The following CTNNA2 variants were observed in gnomAD, a reference collection of about 807,000 sequenced individuals.
CTNNA2 encodes catenin alpha 2.
CTNNA2 carries 42 observed loss-of-function variants against 101.0 expected under a neutral mutation model. The observed-to-expected ratio is 0.42, with a 90% CI of 0.32 to 0.54. The LOEUF is 0.54. Ranked by LOEUF, CTNNA2 falls within the 20% of genes least tolerant of loss-of-function variation. The pLI is 0.14. For missense variants in CTNNA2, 871 were observed against 1,223.1 expected (o/e 0.71, Z 4.29); for synonymous variants, 450 against 456.4 (o/e 0.99, Z 0.18).
intron 9 of CTNNA2, among the ~76,000 whole-genome samples, chr2:80,537,321 A>G (rs959506172): frequency 2.6e-5 from 4 of 152,164 alleles, no homozygotes; most frequent in African/African-American, 9.7e-5. Flanking sequence ...TATCAAGTCT[A>G]TAATTGATGG....
intron 3 of CTNNA2, among the ~76,000 whole-genome samples, chr2:79,320,299 GA>G (rs1477194406): frequency 2.5e-4 from 26 of 102,236 alleles, no homozygotes; most frequent in Non-Finnish European, 4.9e-4. Context: ...AGATCTTGAA[GA>G]AAATGGCAGT....
intron 1 of CTNNA2, among the ~76,000 whole-genome samples, chr2:79,608,243 A>G (rs867175758): frequency 2.0e-5 from 3 of 152,082 alleles, no homozygotes; most frequent in Admixed American, 2.0e-4. Context: ...ATAGCTCTCT[A>G]TCTCTTAAAA....
At chr2:80,104,953 A>G (rs1040522689) in intron 7 of CTNNA2, among the ~76,000 whole-genome samples, 9 of 152,314 alleles carry the variant, frequency 5.9e-5, no homozygotes, top group African/African-American at 1.7e-4. Flanking sequence ...TAAAATTTCA[A>G]TGATTGTAAT....
intron 2 of CTNNA2, among the ~76,000 whole-genome samples, chr2:79,305,369 T>TACAC (rs143608398): frequency 7.8e-5 from 11 of 141,170 alleles, no homozygotes; most frequent in African/African-American, 2.6e-4. Context: ...TACATATATA[T>TACAC]ACACATATAT....
chr2:80,636,337 T>C (rs78083351), intron 18 of CTNNA2, among the ~76,000 whole-genome samples: 7,041 of 152,264 alleles, frequency 0.046, 180 homozygotes, highest in Middle Eastern at 0.075. Context: ...TTAAAAATTA[T>C]GCATTTATAA....
chr2:79,998,857 G>A (rs185761875), intron 7 of CTNNA2, among the ~76,000 whole-genome samples: 9 of 152,124 alleles, frequency 5.9e-5, no homozygotes, highest in African/African-American at 7.2e-5. Context: ...CAGCAATTAC[G>A]AGCCTTCTGG....
chr2:79,927,807 A>T (rs555737064), intron 7 of CTNNA2, among the ~76,000 whole-genome samples: 2 of 152,094 alleles, frequency 1.3e-5, no homozygotes, highest in African/African-American at 4.8e-5. Flanking sequence ...ATGCTATCAA[A>T]ACTCATAGTA....
chr2:79,544,977 G>A (rs534699647), intron 1 of CTNNA2, among the ~76,000 whole-genome samples: 1 of 152,176 alleles, frequency 6.6e-6, no homozygotes, highest in Non-Finnish European at 1.5e-5. Flanking sequence ...TAACCTGAGG[G>A]AGCAATAGGC....
intron 1 of CTNNA2, among the ~76,000 whole-genome samples, chr2:79,602,850 G>C (rs1677635568): frequency 6.6e-6 from 1 of 152,060 alleles, no homozygotes; most frequent in Non-Finnish European, 1.5e-5. Flanking sequence ...TTTGGGATGA[G>C]AGAAATCAAT....
chr2:79,781,589 T>C (rs1674431686), intron 3 of CTNNA2, among the ~76,000 whole-genome samples: 2 of 152,202 alleles, frequency 1.3e-5, no homozygotes, highest in African/African-American at 4.8e-5. Flanking sequence ...TCCTTAAATA[T>C]AATTGATTTT....
At chr2:79,957,584 GTCT>G (rs1313171871) in intron 7 of CTNNA2, among the ~76,000 whole-genome samples, 1 of 152,162 alleles carries the variant, frequency 6.6e-6, no homozygotes, top group Non-Finnish European at 1.5e-5. Context: ...GAGTAATAAA[GTCT>G]TCTCCTTCCT....
At chr2:79,527,413 C>A (rs944048367) in intron 1 of CTNNA2, among the ~76,000 whole-genome samples, 1 of 137,446 alleles carries the variant, frequency 7.3e-6, no homozygotes, top group Non-Finnish European at 1.5e-5. Flanking sequence ...CGGTGGATCA[C>A]AAGGTCAGGA....
chr2:79,797,431 C>G (rs944494756), intron 3 of CTNNA2, among the ~76,000 whole-genome samples: 4 of 151,848 alleles, frequency 2.6e-5, no homozygotes, highest in Non-Finnish European at 5.9e-5. Flanking sequence ...GAGGCCAAGG[C>G]GGGTGGATCA....
At chr2:79,336,319 C>T (rs1029416577) in intron 3 of CTNNA2, among the ~76,000 whole-genome samples, 23 of 152,282 alleles carry the variant, frequency 1.5e-4, no homozygotes, top group African/African-American at 4.1e-4. Flanking sequence ...AATATTCCTT[C>T]GTGTGTGACA....
intron 1 of CTNNA2, among the ~76,000 whole-genome samples, chr2:79,590,675 G>A (rs1415771689): frequency 1.3e-5 from 2 of 151,856 alleles, no homozygotes; most frequent in South Asian, 2.1e-4. Context: ...GGCTGACAAA[G>A]TCCTGTTTAT....
intron 5 of CTNNA2, among the ~76,000 whole-genome samples, chr2:79,872,899 A>G (rs1682702701): frequency 6.6e-6 from 1 of 152,216 alleles, no homozygotes. Flanking sequence ...GCTCTCAAAG[A>G]GCAACACTGC....
At chr2:80,174,345 A>T (rs374199315) in intron 7 of CTNNA2, among the ~76,000 whole-genome samples, 2 of 152,126 alleles carry the variant, frequency 1.3e-5, no homozygotes, top group Non-Finnish European at 1.5e-5. Context: ...GTGCTCACCT[A>T]TGTATACTCT....
At chr2:79,783,661 G>A (rs1456006462) in intron 3 of CTNNA2, among the ~76,000 whole-genome samples, 2 of 151,982 alleles carry the variant, frequency 1.3e-5, no homozygotes, top group Non-Finnish European at 2.9e-5. Context: ...TTCATCTCCA[G>A]GACTTCCCTC....
chr2:79,396,781 T>A (rs1440408275), intron 4 of CTNNA2, among the ~76,000 whole-genome samples: 1 of 152,126 alleles, frequency 6.6e-6, no homozygotes, highest in African/African-American at 2.4e-5. Flanking sequence ...AATTAATAAA[T>A]GGAGAGAATA....
Sources: allele counts gnomAD v4.1 joint callset (sites outside exome capture counted in the v4.1 genomes callset), GRCh38; gene constraint gnomAD v4.1.1; transcripts MANE v1.5; gene names NCBI Gene and HGNC (gene_info 2026-07-23, HGNC 2026-07-21).